XPR1: variants seen among roughly 807,000 people sequenced by gnomAD.
XPR1 encodes solute carrier family 53 member 1.
In XPR1, 28 loss-of-function variants were observed where a neutral mutation model predicts 87.5. That is an observed-to-expected ratio of 0.32 (90% confidence interval 0.24 to 0.44). XPR1 has a LOEUF of 0.44. Ranked by LOEUF, XPR1 falls within the 20% of genes least tolerant of loss-of-function variation. XPR1 has a pLI of 1.00. For synonymous variants in XPR1, 300 were observed against 306.1 expected (o/e 0.98, Z 0.21); for missense variants, 559 against 862.3 (o/e 0.65, Z 4.41).
intron 2 of XPR1, among the ~76,000 whole-genome samples, chr1:180,740,878 T>G (rs1658895017): frequency 6.6e-6 from 1 of 152,182 alleles, no homozygotes; most frequent in Non-Finnish European, 1.5e-5. Context: ...TAGATGACTG[T>G]CTCCTCACTG....
intron 2 of XPR1, among the ~76,000 whole-genome samples, chr1:180,686,104 G>C (rs61809317): frequency 0.053 from 8,123 of 152,096 alleles, 312 homozygotes; most frequent in Non-Finnish European, 0.079. Context: ...GATCTTTCCT[G>C]CTTTCTCTTG....
chr1:180,793,021 C>CT (rs1392444503), intron 3 of XPR1, among the ~76,000 whole-genome samples: 2 of 151,758 alleles, frequency 1.3e-5, no homozygotes, highest in East Asian at 1.9e-4. Context: ...TGAATAACTT[C>CT]TTTTTTTTCT....
intron 3 of XPR1, among the ~76,000 whole-genome samples, chr1:180,801,548 G>A (rs1226596799): frequency 6.6e-6 from 1 of 152,132 alleles, no homozygotes; most frequent in Non-Finnish European, 1.5e-5. Context: ...TAAGAATAGA[G>A]ATGAATCTTG....
intron 2 of XPR1, among the ~76,000 whole-genome samples, chr1:180,733,691 T>C (rs1317833691): frequency 6.6e-6 from 1 of 152,162 alleles, no homozygotes; most frequent in African/African-American, 2.4e-5. Context: ...GAGCAGTGGA[T>C]TTAAGAACTA....
intron 12 of XPR1, among the ~76,000 whole-genome samples, chr1:180,873,561 T>C (rs531445082): frequency 6.6e-6 from 1 of 152,326 alleles, no homozygotes; most frequent in East Asian, 1.9e-4. Context: ...TTGTTAATGA[T>C]TACTCAAATT....
chr1:180,865,077 G>A (rs1383800742), intron 12 of XPR1, among the ~76,000 whole-genome samples: 1 of 152,112 alleles, frequency 6.6e-6, no homozygotes, highest in Admixed American at 6.5e-5. Context: ...TGGTAAGTAG[G>A]GAAGGCCATT....
At chr1:180,714,682 G>A (rs1193770360) in intron 2 of XPR1, among the ~76,000 whole-genome samples, 1 of 151,934 alleles carries the variant, frequency 6.6e-6, no homozygotes, top group African/African-American at 2.4e-5. Context: ...TCAGATTACA[G>A]GTGCGAACCA....
intron 11 of XPR1, among the ~76,000 whole-genome samples, chr1:180,840,047 C>T (rs1001288555): frequency 6.6e-6 from 1 of 151,522 alleles, no homozygotes; most frequent in Non-Finnish European, 1.5e-5. Context: ...CAAGGTGAAA[C>T]CCCGTCTCTA....
At chr1:180,781,865 G>A (rs1360943324) in intron 2 of XPR1, among the ~76,000 whole-genome samples, 2 of 151,748 alleles carry the variant, frequency 1.3e-5, no homozygotes, top group African/African-American at 2.4e-5. Context: ...GCACGAACTC[G>A]GCTCACTGCA....
chr1:180,638,244 A>G lies in XPR1; in HGVS notation c.69+5974A>G, dbSNP rs952931926. ...CTTTTTAAAACTTCTATTTTAAACA[A>G]TTTTGTTTTACATTGTACACAGATA... On this transcript the variant is annotated intron_variant, in intron 1 of 14. Transcript: ENST00000367590. Among the ~76,000 whole-genome samples the G allele has an allele frequency of 1.4e-4, 22 of 152,286 alleles. No individual in the cohort carries two copies. The South Asian group carries it at 3.9e-3, about 27-fold the overall frequency.
chr1:180,772,612 T>A (rs1648558575), intron 2 of XPR1, among the ~76,000 whole-genome samples: 1 of 152,220 alleles, frequency 6.6e-6, no homozygotes, highest in Admixed American at 6.5e-5. Context: ...AAGTGGGAGA[T>A]GATTGAATCT....
chr1:180,826,860 GA>G (rs1202306249), intron 9 of XPR1, among the ~76,000 whole-genome samples: 3 of 151,678 alleles, frequency 2.0e-5, no homozygotes, highest in African/African-American at 4.8e-5. Flanking sequence ...TTTCTATTAA[GA>G]AAAACTGTAG....
intron 11 of XPR1, among the ~76,000 whole-genome samples, chr1:180,841,051 A>G (rs995767534): frequency 6.6e-6 from 1 of 152,170 alleles, no homozygotes; most frequent in Admixed American, 6.5e-5. Context: ...TCTTAATAGT[A>G]TTGTTAAGTG....
intron 9 of XPR1, among the ~76,000 whole-genome samples, 175 bp downstream of exon 9, chr1:180,825,519 G>A (rs1156865023): frequency 6.6e-5 from 10 of 152,118 alleles, no homozygotes; most frequent in African/African-American, 1.9e-4. Flanking sequence ...TCCTGAGATC[G>A]AGTATCAGGT....
At chr1:180,654,601 A>G (rs1655394321) in intron 1 of XPR1, among the ~76,000 whole-genome samples, 1 of 152,096 alleles carries the variant, frequency 6.6e-6, no homozygotes, top group Non-Finnish European at 1.5e-5. Context: ...GGCAACCACC[A>G]TTCTACTTTC....
In XPR1 at chr1:180,779,583, C is replaced by A. The variant is rs113764874; in HGVS notation, c.122-8170C>A. On this transcript the variant is annotated intron_variant, in intron 2 of 14. Transcript: ENST00000367590. Reference sequence around the variant, plus strand: ...CAGCCTGGCCAACATGGTGAAACATCATCTCTAGTAGAAATACAAAAATTG... The same window carrying A: ...CAGCCTGGCCAACATGGTGAAACATAATCTCTAGTAGAAATACAAAAATTG... Among the ~76,000 whole-genome samples the A allele has an allele frequency of 1.6e-3, 247 of 151,888 alleles. 1 individual carries two copies. Among genetic ancestry groups the A allele is most frequent in the African/African-American group, 5.6e-3 (233 of 41,416 alleles).
At chr1:180,835,096 A>G (rs371699944) in intron 10 of XPR1, 51 bp downstream of exon 10, 10 of 1,557,658 alleles carry the variant, frequency 6.4e-6, no homozygotes, top group Non-Finnish European at 8.7e-6. Context: ...GTAAACCAAG[A>G]TATATTGGGA....
intron 1 of XPR1, among the ~76,000 whole-genome samples, chr1:180,680,311 C>T (rs1047373019): frequency 3.4e-5 from 5 of 145,174 alleles, no homozygotes; most frequent in African/African-American, 1.3e-4. Context: ...AGTACAGCTA[C>T]TATGGAGAAC....
intron 3 of XPR1, among the ~76,000 whole-genome samples, chr1:180,791,041 G>T (rs577986645): frequency 1.3e-5 from 2 of 152,270 alleles, no homozygotes; most frequent in South Asian, 4.2e-4. Context: ...GAGGGCATTT[G>T]CAGTGAAACA....
Sources: gnomAD v4.1 joint callset for allele counts (sites outside exome capture counted in the v4.1 genomes callset) on GRCh38, gnomAD v4.1.1 for gene constraint, MANE v1.5 for transcripts, NCBI Gene and HGNC (gene_info 2026-07-23, HGNC 2026-07-21) for gene names.